The following ATP7B variants were observed in gnomAD, a reference collection of about 807,000 sequenced individuals.
The protein encoded by ATP7B is copper-transporting ATPase 2.
In ATP7B, 113 loss-of-function variants were observed where a neutral mutation model predicts 118.9. The observed-to-expected ratio is 0.95, with a 90% CI of 0.82 to 1.11. ATP7B has a LOEUF of 1.11. ATP7B is among the 50% of genes most tolerant of loss of function. ATP7B has a pLI of 0.00. For synonymous variants in ATP7B, 777 were observed against 727.4 expected, an observed-to-expected ratio of 1.07 and a Z score of -1.10; for missense variants, 1,867 against 1,871.4, an observed-to-expected ratio of 1.00 and a Z score of 0.04.
At position 51,941,062 on chromosome 13, in the gene ATP7B, A is replaced by G; in HGVS notation, c.3556+19T>C. On this transcript the variant is annotated intron_variant, in intron 16 of 20. Coordinates refer to ENST00000242839, the MANE Select transcript of ATP7B (RefSeq NM_000053.4). ...CTGTATTTCTGAGAGAGCGGAAGGAAGGCAGAAGCAGAAGATACCGTCAAT... is the reference window on the plus strand; with the variant it reads ...CTGTATTTCTGAGAGAGCGGAAGGAGGGCAGAAGCAGAAGATACCGTCAAT... 6.2e-7 allele frequency: 1 copy of G among 1,614,198 alleles called. No individual in the cohort carries two copies. The highest frequency in any genetic ancestry group is 8.5e-7 in the Non-Finnish European group (1 of 1,180,028).
At chr13:52,001,795 CAT>C (rs1491552908) in intron 1 of ATP7B, among the ~76,000 whole-genome samples, 1 of 122,014 alleles carries the variant, frequency 8.2e-6, no homozygotes, top group African/African-American at 2.5e-5. Context: ...GAATCCTTCA[CAT>C]TTTTTTTTTT....
intron 1 of ATP7B, among the ~76,000 whole-genome samples, chr13:51,997,752 C>T (rs1445133179): frequency 2.0e-5 from 3 of 152,202 alleles, no homozygotes; most frequent in Non-Finnish European, 4.4e-5. Context: ...ATTAAACAAA[C>T]GAGGAGGCCT....
intron 1 of ATP7B, among the ~76,000 whole-genome samples, chr13:51,998,054 T>A (rs1400825324): frequency 6.6e-6 from 1 of 152,154 alleles, no homozygotes; most frequent in Non-Finnish European, 1.5e-5. Flanking sequence ...GACCCTGGCT[T>A]CCCTGCTCCT....
intron 17 of ATP7B, among the ~76,000 whole-genome samples, chr13:51,938,685 C>T (rs1468916113): frequency 6.6e-6 from 1 of 152,206 alleles, no homozygotes; most frequent in Non-Finnish European, 1.5e-5. Flanking sequence ...CTTATCTGAG[C>T]ACCCCAGTGA....
At position 52,011,399 on chromosome 13, in the gene ATP7B, G is replaced by C; in HGVS notation, c.-62C>G. The C allele has an allele frequency of 6.2e-7, 1 of 1,610,612 alleles. No individual in the cohort carries two copies. Among genetic ancestry groups the C allele is most frequent in the Middle Eastern group, 1.7e-4 (1 of 6,048 alleles). ...CTCAGAGCAAAAGGTCACCTGGTCG[G>C]TGGAGGAGAGCGGGGTGTTAAAGTC... is the stretch of plus-strand genomic sequence containing the variant. On this transcript the variant is annotated 5_prime_UTR_variant, in exon 1 of 21. Transcript: ENST00000242839.
chr13:51,967,838 T>C (rs1018547211), intron 4 of ATP7B, among the ~76,000 whole-genome samples: 11 of 152,240 alleles, frequency 7.2e-5, no homozygotes, highest in African/African-American at 1.9e-4. Context: ...TAGCATGTTC[T>C]AGGCATCAGA....
chr13:51,997,005 C>T (rs1481284307), intron 1 of ATP7B, among the ~76,000 whole-genome samples: 2 of 152,246 alleles, frequency 1.3e-5, no homozygotes, highest in East Asian at 3.9e-4. Context: ...CAACCCTAGC[C>T]TCCCTGCCAG....
At chr13:51,971,230 C>T (rs183437767) in intron 2 of ATP7B, among the ~76,000 whole-genome samples, 20 of 152,284 alleles carry the variant, frequency 1.3e-4, no homozygotes, top group Admixed American at 1.3e-3. Flanking sequence ...AAATACAGGA[C>T]ATCCAGTTAA....
chr13:52,002,183 T>C (rs1004379571), intron 1 of ATP7B, among the ~76,000 whole-genome samples: 1 of 152,086 alleles, frequency 6.6e-6, no homozygotes, highest in African/African-American at 2.4e-5. Flanking sequence ...AATAAGCATT[T>C]GTTAAATGAA....
intron 1 of ATP7B, among the ~76,000 whole-genome samples, chr13:51,991,921 C>T (rs533969549): frequency 6.6e-6 from 1 of 152,296 alleles, no homozygotes; most frequent in East Asian, 1.9e-4. Context: ...GCCCTGCTCA[C>T]ATCAGCAAAC....
chr13:51,944,118 G>A lies in ATP7B; in HGVS notation c.3234C>T (p.Tyr1078=). Residue 1078 remains tyrosine (Y), a synonymous_variant, in exon 14 of 21, where the codon TAC becomes TAT. Transcript: ENST00000242839. ...EHPLGVAVTK[Y]CKEELGTETL... is the part of the protein sequence containing the mutation. ...GCCCAAGTCCACGTACCTCTTTACA[G>A]TATTTGGTGACTGCCACGCCCAAGG... The A allele has an allele frequency of 6.2e-7, 1 of 1,614,134 alleles. No individual in the cohort carries two copies. Among genetic ancestry groups the A allele is most frequent in the South Asian group, 1.1e-5 (1 of 91,084 alleles).
At chr13:51,985,116 G>C (rs1952593400) in intron 1 of ATP7B, among the ~76,000 whole-genome samples, 1 of 152,196 alleles carries the variant, frequency 6.6e-6, no homozygotes, top group South Asian at 2.1e-4. Flanking sequence ...AAAAGACACA[G>C]ACTGGCGAAT....
At chr13:51,952,003 TGA>T (rs981336037) in intron 9 of ATP7B, among the ~76,000 whole-genome samples, 2 of 152,132 alleles carry the variant, frequency 1.3e-5, no homozygotes, top group African/African-American at 4.8e-5. Flanking sequence ...TAGAATGGGC[TGA>T]GAGAGCACGC....
At chr13:51,975,310 G>C (rs766105022) in intron 1 of ATP7B, 142 bp from the exon 2 acceptor site, 1 of 1,142,092 alleles carries the variant, frequency 8.8e-7, no homozygotes, top group South Asian at 1.2e-5. Flanking sequence ...AACATACACA[G>C]AAAGCAAGCT....
chr13:52,007,221 A>G (rs997930072), intron 1 of ATP7B, among the ~76,000 whole-genome samples: 23 of 152,172 alleles, frequency 1.5e-4, no homozygotes, highest in Non-Finnish European at 2.8e-4. Context: ...TGCAAATAAA[A>G]GCTATATTCA....
intron 1 of ATP7B, among the ~76,000 whole-genome samples, chr13:51,986,995 T>A (rs558427388): frequency 1.3e-5 from 2 of 152,322 alleles, no homozygotes; most frequent in African/African-American, 4.8e-5. Flanking sequence ...AGCACTCCTT[T>A]TGAAAACTGG....
At chr13:52,009,140 T>C (rs568606750) in intron 1 of ATP7B, among the ~76,000 whole-genome samples, 1 of 152,324 alleles carries the variant, frequency 6.6e-6, no homozygotes, top group South Asian at 2.1e-4. Context: ...TAGTACTTAC[T>C]AGTACCTGAA....
chr13:51,999,369 T>C (rs527695926), intron 1 of ATP7B, among the ~76,000 whole-genome samples: 2 of 152,186 alleles, frequency 1.3e-5, no homozygotes, highest in Non-Finnish European at 2.9e-5. Context: ...CTGAAACAAC[T>C]AGCTCAGCAG....
At chr13:51,995,830 G>A (rs774547297) in intron 1 of ATP7B, among the ~76,000 whole-genome samples, 2 of 152,124 alleles carry the variant, frequency 1.3e-5, no homozygotes, top group African/African-American at 2.4e-5. Flanking sequence ...CACACTGTGT[G>A]CAGCACTGCA....
Sources: gnomAD v4.1 joint callset for allele counts (sites outside exome capture counted in the v4.1 genomes callset) on GRCh38, gnomAD v4.1.1 for gene constraint, MANE v1.5 for transcripts, NCBI Gene and HGNC (gene_info 2026-07-23, HGNC 2026-07-21) for gene names.